Variants in MYO9B observed in about 807,000 individuals in gnomAD.
MYO9B encodes unconventional myosin-IXb.
In MYO9B, 71 loss-of-function variants were observed where a neutral mutation model predicts 229.5. That is an observed-to-expected ratio of 0.31 (90% CI 0.26 to 0.38). The LOEUF (loss-of-function observed/expected upper bound fraction) is 0.38. MYO9B is among the 10% of genes least tolerant of loss of function. The pLI, the probability that MYO9B is intolerant of heterozygous loss-of-function variation, is 1.00. For synonymous variants in MYO9B, 1,185 were observed against 1,235.8 expected (o/e 0.96, Z 0.86); for missense variants, 2,255 against 2,920.5 (o/e 0.77, Z 5.25).
At chr19:17,210,494 G>A (rs2073214872) in intron 37 of MYO9B, 114 bp downstream of exon 37, 1 of 1,356,860 alleles carries the variant, frequency 7.4e-7, no homozygotes, top group Admixed American at 2.8e-5. Context: ...TAACCTTCCG[G>A]AAGTGCATGC....
At position 17,192,952 on chromosome 19, in the gene MYO9B, G is replaced by A; in HGVS notation, c.3018G>A (p.Val1006=). The A allele has an allele frequency of 6.5e-7, 1 of 1,541,242 alleles. No homozygotes were observed. The highest frequency in any genetic ancestry group is 2.0e-5 in the Admixed American group (1 of 50,866). The change falls in exon 21 of 40, where the codon GTG becomes GTA. Residue 1006 remains valine (V), a synonymous_variant. Transcript: ENST00000682292. ...RRALERTQAA[V]YLQASWRGYW... ...CGCTGGAGAGGACGCAGGCTGCCGTGTACCTCCAGGCCTCATGGAGGGGCT... is the reference window on the plus strand; with the variant it reads ...CGCTGGAGAGGACGCAGGCTGCCGTATACCTCCAGGCCTCATGGAGGGGCT...
intron 1 of MYO9B, among the ~76,000 whole-genome samples, chr19:17,088,314 C>G (rs1408446300): frequency 6.6e-6 from 1 of 152,250 alleles, no homozygotes; most frequent in Non-Finnish European, 1.5e-5. Context: ...GGGGCCCACC[C>G]TTGTCCAGTA....
Position 17,211,950 on chromosome 19 carries a change from C to T in MYO9B, c.6114C>T (p.Pro2038=). 6.4e-7 allele frequency: 1 copy of T among 1,560,638 alleles called. No individual in the cohort carries two copies. The highest frequency in any genetic ancestry group is 8.7e-7 in the Non-Finnish European group (1 of 1,153,136). ...GCGCGCCCACCCCGAGCCCCCTCCC[C>T]ACCGTGGCCGCCCCTCCACGACGAA... ...CPGAPTPSPL[P]TVAAPPRRRP... The change falls in exon 40 of 40, where the codon CCC becomes CCT. Residue 2038 remains proline (P), a synonymous_variant. Coordinates refer to ENST00000682292, the MANE Select transcript of MYO9B (RefSeq NM_004145.4).
intron 15 of MYO9B, among the ~76,000 whole-genome samples, chr19:17,182,814 T>C (rs1195877727): frequency 2.0e-5 from 3 of 152,122 alleles, no homozygotes; most frequent in African/African-American, 7.2e-5. Flanking sequence ...AATAAATAAA[T>C]ATATTTACTT....
At chr19:17,141,159 G>A (rs896534965) in intron 2 of MYO9B, among the ~76,000 whole-genome samples, 1 of 151,490 alleles carries the variant, frequency 6.6e-6, no homozygotes, top group Non-Finnish European at 1.5e-5. Flanking sequence ...ATAACAACCA[G>A]TATCCATCCC....
Position 17,159,498 on chromosome 19 carries a change from A to G in MYO9B, c.1419+14A>G. 1 of 1,598,056 alleles carries G rather than the reference A, an allele frequency of 6.3e-7. No homozygotes were observed. Among genetic ancestry groups the G allele is most frequent in the Non-Finnish European group, 8.5e-7 (1 of 1,171,584 alleles). ...AGCCTCAGCGAGGTGAGCTCTGCCC[A>G]GGCACTCACAGGGTGCCAGATCCCA... is the stretch of plus-strand genomic sequence containing the variant. On this transcript the variant is annotated intron_variant, in intron 8 of 39. Coordinates refer to ENST00000682292, the MANE Select transcript of MYO9B (RefSeq NM_004145.4).
chr19:17,202,861 A>G lies in MYO9B; in HGVS notation c.4856A>G (p.Lys1619Arg). 1 of 1,601,874 alleles carries G rather than the reference A, an allele frequency of 6.2e-7. No homozygotes were observed. Among genetic ancestry groups the G allele is most frequent in the Non-Finnish European group, 8.5e-7 (1 of 1,174,488 alleles). ...EPVKQSKAQK[K>R]KRKQERAVQE... is the part of the protein sequence containing the mutation. ...TCACAGCAGAGCAAAGCTCAGAAGA[A>G]GAAGCGGAAGCAGGAGCGTGCTGTG... The change falls in exon 29 of 40, where the codon AAG (lysine) becomes AGG (arginine). Residue 1619 changes from lysine to arginine, a missense_variant. Lys to Arg is a conservative substitution (Grantham distance 26). Around this residue, in one of 7 missense-constraint regions of MYO9B, gnomAD observed 416 missense variants for 605.5 expected, o/e 0.69. Transcript: ENST00000682292.
intron 1 of MYO9B, among the ~76,000 whole-genome samples, chr19:17,089,519 G>T (rs900893060): frequency 7.2e-5 from 11 of 152,080 alleles, no homozygotes; most frequent in Non-Finnish European, 1.6e-4. Flanking sequence ...CGAATCCTCC[G>T]CCAAACTGGT....
chr19:17,151,078 G>A (rs1431390229), intron 3 of MYO9B, among the ~76,000 whole-genome samples: 7 of 151,794 alleles, frequency 4.6e-5, no homozygotes, highest in Non-Finnish European at 8.8e-5. Context: ...TCAGGAGTTC[G>A]AGACCAGCCT....
chr19:17,076,058 G>GAAAA, intron 1 of MYO9B, among the ~76,000 whole-genome samples, 184 bp downstream of exon 1: 1 of 150,584 alleles, frequency 6.6e-6, no homozygotes, highest in Admixed American at 6.6e-5. Flanking sequence ...CGGTGAAGGA[G>GAAAA]AAAGTGGATG....
chr19:17,143,102 G>C (rs532832014), intron 2 of MYO9B, among the ~76,000 whole-genome samples: 44 of 152,160 alleles, frequency 2.9e-4, no homozygotes, highest in African/African-American at 1.0e-3. Context: ...AGCCAGGCGT[G>C]GTGGTGCACA....
At chr19:17,175,561 A>G in intron 13 of MYO9B, 102 bp from the exon 14 acceptor site, 1 of 906,430 alleles carries the variant, frequency 1.1e-6, no homozygotes. Context: ...CCTGGGTGAC[A>G]GAGCAAGACT....
At chr19:17,097,311 A>G (rs891729341) in intron 1 of MYO9B, among the ~76,000 whole-genome samples, 5 of 148,888 alleles carry the variant, frequency 3.4e-5, no homozygotes, top group African/African-American at 1.2e-4. Context: ...ATAAAGCGAG[A>G]CTCCATTTCA....
rs1241926938 is a variant in MYO9B, at chr19:17,175,674, C to A, written c.2152C>A (p.Pro718Thr). The A allele has an allele frequency of 6.3e-7, 1 of 1,574,932 alleles. No homozygotes were observed. Among genetic ancestry groups the A allele is most frequent in the Non-Finnish European group, 8.6e-7 (1 of 1,160,772 alleles). ...TGTGTCTCCGGCAGGTATGAGCAGCCCTGGTGCCCAAAGTCACCCAGAAGA... is the reference window on the plus strand; with the variant it reads ...TGTGTCTCCGGCAGGTATGAGCAGCACTGGTGCCCAAAGTCACCCAGAAGA... The part of the protein sequence containing the change: ...RAEKAAGMSS[P>T]GAQSHPEELP... The change falls in exon 14 of 40, where the codon CCT becomes ACT. Residue 718 changes from proline to threonine, a missense_variant. Physicochemically the swap from Pro to Thr is conservative, Grantham distance 38 (BLOSUM62 -1). Around this residue, in one of 7 missense-constraint regions of MYO9B, gnomAD observed 155 missense variants for 159.1 expected, o/e 0.97. Transcript: ENST00000682292.
chr19:17,166,244 T>C (rs943037562), intron 10 of MYO9B, among the ~76,000 whole-genome samples: 1 of 152,126 alleles, frequency 6.6e-6, no homozygotes, highest in Admixed American at 6.6e-5. Flanking sequence ...GGTTTCACCA[T>C]GTTGGCCAGG....
intron 2 of MYO9B, among the ~76,000 whole-genome samples, chr19:17,111,557 A>T (rs12978739): frequency 6.6e-6 from 1 of 151,952 alleles, no homozygotes; most frequent in East Asian, 1.9e-4. Context: ...CAAGCAGCTG[A>T]GAATACAGGT....
chr19:17,175,277 A>AT (rs1414373034), intron 13 of MYO9B, among the ~76,000 whole-genome samples: 3 of 126,256 alleles, frequency 2.4e-5, no homozygotes, highest in East Asian at 2.5e-4. Context: ...TTGGTAAAAA[A>AT]TTAAAAAAAA....
At chr19:17,204,971 G>A (rs145811264) in intron 30 of MYO9B, among the ~76,000 whole-genome samples, 2,237 of 152,112 alleles carry the variant, frequency 0.015, 45 homozygotes, top group African/African-American at 0.052. Flanking sequence ...GACCAGCATG[G>A]AGAAACCCTG....
intron 2 of MYO9B, among the ~76,000 whole-genome samples, chr19:17,119,032 C>T (rs897014759): frequency 1.3e-5 from 2 of 152,140 alleles, no homozygotes; most frequent in Admixed American, 1.3e-4. Context: ...TTTACCAGCT[C>T]CAGGAGTTCA....
Sources: allele counts gnomAD v4.1 joint callset (sites outside exome capture counted in the v4.1 genomes callset), GRCh38; gene constraint gnomAD v4.1.1; regional missense constraint gnomAD v4.1.1; transcripts MANE v1.5; gene names NCBI Gene and HGNC (gene_info 2026-07-23, HGNC 2026-07-21).